CSPP1: variants seen among roughly 807,000 people sequenced by gnomAD.
CSPP1 encodes centrosome and spindle pole associated protein 1, also known as centrosome and spindle pole-associated protein 1.
A neutral mutation model predicts 164.4 loss-of-function variants in CSPP1; 126 were observed. The observed-to-expected ratio is 0.77, with a 90% confidence interval of 0.66 to 0.89. The LOEUF is 0.89. CSPP1 is among the 40% of genes least tolerant of loss of function. The pLI is 0.00. For synonymous variants in CSPP1, 472 were observed against 476.7 expected (o/e 0.99, Z 0.13); for missense variants, 1,395 against 1,449.8 (o/e 0.96, Z 0.61).
intron 27 of CSPP1, among the ~76,000 whole-genome samples, 163 bp downstream of exon 27, chr8:67,177,889 T>C (rs1832077669): frequency 6.6e-6 from 1 of 152,204 alleles, no homozygotes; most frequent in Non-Finnish European, 1.5e-5. Context: ...TAGTGTAATA[T>C]ATATAGAAAA....
chr8:67,114,705 G>A (rs1485699374), intron 12 of CSPP1: 4 of 152,148 alleles, frequency 2.6e-5, no homozygotes, highest in Non-Finnish European at 4.4e-5. Context: ...AAATTTCAAA[G>A]CTAAATATAT....
At chr8:67,137,794 A>G (rs915723856) in intron 17 of CSPP1, among the ~76,000 whole-genome samples, 191 bp downstream of exon 17, 1 of 152,202 alleles carries the variant, frequency 6.6e-6, no homozygotes, top group African/African-American at 2.4e-5. Flanking sequence ...TCAGAATACT[A>G]TCCATTTGTT....
intron 28 of CSPP1, among the ~76,000 whole-genome samples, chr8:67,184,870 A>C (rs922618563): frequency 1.4e-5 from 2 of 144,724 alleles, no homozygotes; most frequent in African/African-American, 5.0e-5. Flanking sequence ...GAGGCCGAGG[A>C]GGGCGGATCA....
At chr8:67,186,746 G>A (rs1410302305) in intron 28 of CSPP1, among the ~76,000 whole-genome samples, 1 of 152,176 alleles carries the variant, frequency 6.6e-6, no homozygotes, top group Non-Finnish European at 1.5e-5. Flanking sequence ...TTTCTTCACA[G>A]ATGACATGAT....
At chr8:67,186,507 A>G (rs1309520444) in intron 28 of CSPP1, among the ~76,000 whole-genome samples, 1 of 152,160 alleles carries the variant, frequency 6.6e-6, no homozygotes, top group African/African-American at 2.4e-5. Context: ...ATTTATGGTA[A>G]CTCAGCAAAC....
Position 67,180,144 on chromosome 8 carries a change from A to G in CSPP1, c.3220+218A>G, listed in dbSNP as rs377722862. Among the ~76,000 whole-genome samples the G allele has an allele frequency of 2.0e-5, 3 of 152,232 alleles. No homozygotes were observed. The South Asian group carries it at 6.2e-4, about 31-fold the overall frequency. Reference sequence around the variant, plus strand: ...TTAGGAATAGTTGACAAACCTGTACATGAATGTTCGTAACAGCCTCATTTC... The same window carrying G: ...TTAGGAATAGTTGACAAACCTGTACGTGAATGTTCGTAACAGCCTCATTTC... On this transcript the variant is annotated intron_variant, in intron 28 of 30. Transcript: ENST00000678616.
chr8:67,186,465 C>A (rs1834622664), intron 28 of CSPP1, among the ~76,000 whole-genome samples: 1 of 151,424 alleles, frequency 6.6e-6, no homozygotes, highest in Non-Finnish European at 1.5e-5. Context: ...AACTCTATGC[C>A]CACAAATCTG....
chr8:67,081,384 A>G (rs150534710), intron 3 of CSPP1, among the ~76,000 whole-genome samples: 37 of 152,154 alleles, frequency 2.4e-4, no homozygotes, highest in African/African-American at 8.0e-4. Context: ...TTTCTTTTCC[A>G]AGCCAATTTT....
chr8:67,161,429 G>A (rs1212831943), intron 21 of CSPP1, among the ~76,000 whole-genome samples: 1 of 152,070 alleles, frequency 6.6e-6, no homozygotes, highest in Non-Finnish European at 1.5e-5. Flanking sequence ...AGGTTGATTT[G>A]TATTGCTTTC....
chr8:67,192,940 C>T (rs1409091207), intron 29 of CSPP1, among the ~76,000 whole-genome samples: 1 of 152,166 alleles, frequency 6.6e-6, no homozygotes, highest in African/African-American at 2.4e-5. Flanking sequence ...TCCTATAATT[C>T]TCAAGCTTTA....
intron 19 of CSPP1, among the ~76,000 whole-genome samples, chr8:67,154,413 C>A (rs948281543): frequency 2.6e-5 from 4 of 151,980 alleles, no homozygotes; most frequent in Non-Finnish European, 4.4e-5. Context: ...TCTACCCAGG[C>A]TAGGGTGTAG....
chr8:67,169,364 C>T (rs1240432717), intron 24 of CSPP1, among the ~76,000 whole-genome samples: 2 of 152,160 alleles, frequency 1.3e-5, no homozygotes, highest in Non-Finnish European at 2.9e-5. Context: ...TATCAAGTTC[C>T]TTGTAAAGTC....
At chr8:67,127,245 TAGACTGGGTGGCTTAAACAAC>T (rs1366800509) in intron 15 of CSPP1, among the ~76,000 whole-genome samples, 1 of 152,192 alleles carries the variant, frequency 6.6e-6, no homozygotes, top group African/African-American at 2.4e-5. Flanking sequence ...CAAAATATTA[TAGACTGGGTGGCTTAAACAAC>T]AGACATTTTT....
chr8:67,162,490 G>A (rs918659781), intron 22 of CSPP1, among the ~76,000 whole-genome samples: 1 of 152,150 alleles, frequency 6.6e-6, no homozygotes, highest in African/African-American at 2.4e-5. Context: ...ATTAGCAGAA[G>A]GTAAAGAAAT....
intron 7 of CSPP1, among the ~76,000 whole-genome samples, chr8:67,102,526 G>T (rs1468542307): frequency 6.6e-6 from 1 of 152,078 alleles, no homozygotes; most frequent in East Asian, 1.9e-4. Context: ...GGAGGTGGAG[G>T]TTGCAGTGAG....
chr8:67,152,718 T>C (rs1825938798), intron 18 of CSPP1, among the ~76,000 whole-genome samples: 1 of 152,244 alleles, frequency 6.6e-6, no homozygotes, highest in African/African-American at 2.4e-5. Context: ...TCAAGGTGTA[T>C]ATTTAGTTTG....
chr8:67,085,949 G>A lies in CSPP1; in HGVS notation c.200-58G>A, dbSNP rs1585936894. 6 of 789,634 alleles carry A rather than the reference G, an allele frequency of 7.6e-6. No homozygotes were observed. The East Asian group carries it at 1.5e-4, about 19-fold the overall frequency. The allele number at this position is 789,634 out of a possible 1,614,324, so 48.9% of individuals were successfully genotyped here. On this transcript the variant is annotated intron_variant, in intron 3 of 30. Transcript: ENST00000678616. Reference sequence around the variant, plus strand: ...TTCTTACTGTGCTTTGTTACAGGAAGTAGAACTTTGAGATTGGTTTGAAAA... The same window carrying A: ...TTCTTACTGTGCTTTGTTACAGGAAATAGAACTTTGAGATTGGTTTGAAAA...
intron 13 of CSPP1, among the ~76,000 whole-genome samples, chr8:67,116,465 C>A (rs1817955050): frequency 1.3e-5 from 2 of 152,012 alleles, no homozygotes; most frequent in Admixed American, 6.6e-5. Context: ...TTCCACTTGG[C>A]AAACATTGAA....
At chr8:67,100,703 C>T (rs890477508) in intron 7 of CSPP1, among the ~76,000 whole-genome samples, 6 of 150,978 alleles carry the variant, frequency 4.0e-5, no homozygotes, top group Non-Finnish European at 8.9e-5. Flanking sequence ...CTTTAGCCTC[C>T]CAAGTAGCTG....
Sources: gnomAD v4.1 joint callset for allele counts (sites outside exome capture counted in the v4.1 genomes callset) on GRCh38, gnomAD v4.1.1 for gene constraint, MANE v1.5 for transcripts, NCBI Gene and HGNC (gene_info 2026-07-23, HGNC 2026-07-21) for gene names.